The following HMCN1 variants were observed in gnomAD, a reference collection of about 807,000 sequenced individuals.
HMCN1 encodes hemicentin-1.
In HMCN1, 321 loss-of-function variants were observed where a neutral mutation model predicts 625.9. The ratio of observed to expected loss-of-function variants is 0.51; its 90% CI spans 0.47 to 0.56. The LOEUF is 0.56. Among genes scored for constraint, HMCN1 ranks in the 20% least tolerant of loss-of-function variants. The pLI is 0.00. For synonymous variants in HMCN1, 2,425 were observed against 2,417.6 expected, an observed-to-expected ratio of 1.00 and a Z score of -0.09; for missense variants, 6,588 against 6,887.3, an observed-to-expected ratio of 0.96 and a Z score of 1.54.
intron 1 of HMCN1, among the ~76,000 whole-genome samples, chr1:185,819,426 C>G (rs1429566554): frequency 6.6e-6 from 1 of 152,116 alleles, no homozygotes; most frequent in Non-Finnish European, 1.5e-5. Context: ...GAGAAACATA[C>G]TTTTTCCTAT....
At chr1:185,930,533 T>A (rs1337759381) in intron 10 of HMCN1, among the ~76,000 whole-genome samples, 1 of 152,192 alleles carries the variant, frequency 6.6e-6, no homozygotes, top group Non-Finnish European at 1.5e-5. Flanking sequence ...ATACTAATAT[T>A]CTCATGCCAT....
intron 58 of HMCN1, 32 bp from the exon 59 acceptor site, chr1:186,087,185 C>A: frequency 7.5e-7 from 1 of 1,326,474 alleles, no homozygotes; most frequent in Non-Finnish European, 1.1e-6. Context: ...ACCTGTATAC[C>A]ACTCTACAAT....
chr1:186,000,295 G>A, intron 26 of HMCN1, 56 bp downstream of exon 26: 1 of 1,291,296 alleles, frequency 7.7e-7, no homozygotes, highest in Admixed American at 1.8e-5. Flanking sequence ...GTTCTTAAAT[G>A]TTTAAATTAT....
At chr1:186,018,104 C>A (rs1654481250) in intron 33 of HMCN1, 79 bp from the exon 34 acceptor site, 3 of 1,248,204 alleles carry the variant, frequency 2.4e-6, no homozygotes, top group Non-Finnish European at 3.5e-6. Flanking sequence ...GACAAATATA[C>A]AATAGAAACT....
intron 70 of HMCN1, 115 bp from the exon 71 acceptor site, chr1:186,108,342 AAATT>A: frequency 6.7e-7 from 1 of 1,491,846 alleles, no homozygotes; most frequent in Non-Finnish European, 9.2e-7. Context: ...TCTAGGCTAT[AAATT>A]AAATGAGTAA....
chr1:186,033,408 C>A (rs576393168), intron 36 of HMCN1, among the ~76,000 whole-genome samples: 3 of 152,156 alleles, frequency 2.0e-5, no homozygotes, highest in Admixed American at 6.6e-5. Flanking sequence ...ATCCATGTAA[C>A]CAAAACCACC....
rs930907492 is a variant in HMCN1 at position 185,875,551 on chromosome 1, A to G, written c.621+9688A>G. ...TCACTCAATTAGAACTGTTCTCTTC[A>G]TATATTACAATGACTGTTGCCTCAG... On this transcript the variant is annotated intron_variant, in intron 4 of 106. Transcript: ENST00000271588. 6.6e-5 allele frequency among the ~76,000 whole-genome samples: 10 copies of G among 152,104 alleles called. No individual in the cohort carries two copies. The East Asian group carries it at 9.6e-4, about 15-fold the overall frequency.
Position 185,797,683 on chromosome 1 carries a change from T to TAGATTTCTTTTGTGTATTTC in HMCN1, c.269-48343_269-48342insAGATTTCTTTTGTGTATTTC, listed in dbSNP as rs1553241679. 2.2e-4 allele frequency among the ~76,000 whole-genome samples: 32 copies of TAGATTTCTTTTGTGTATTTC among 147,820 alleles called. 1 individual carries two copies. Among genetic ancestry groups the TAGATTTCTTTTGTGTATTTC allele is most frequent in the African/African-American group, 8.1e-4 (30 of 37,234 alleles). Reference sequence around the variant, plus strand: ...ATGCAATTGCTTTATAAGACTTGTTTTGGCCGGGCGCGGTGGCTCACGCCT... The same window carrying TAGATTTCTTTTGTGTATTTC: ...ATGCAATTGCTTTATAAGACTTGTTTAGATTTCTTTTGTGTATTTCTGGCCGGGCGCGGTGGCTCACGCCT... On this transcript the variant is annotated intron_variant, in intron 1 of 106. Transcript: ENST00000271588.
chr1:186,127,366 G>A (rs189558027), intron 82 of HMCN1, among the ~76,000 whole-genome samples: 27 of 152,214 alleles, frequency 1.8e-4, no homozygotes, highest in Admixed American at 1.8e-3. Flanking sequence ...CACTGTATGA[G>A]ATCACCAAAA....
At chr1:185,842,318 T>A (rs1459736934) in intron 1 of HMCN1, among the ~76,000 whole-genome samples, 1 of 152,164 alleles carries the variant, frequency 6.6e-6, no homozygotes, top group East Asian at 1.9e-4. Flanking sequence ...TTATAGTATT[T>A]ACAAGGCAAG....
At chr1:185,918,117 T>A (rs1666815171) in intron 6 of HMCN1, among the ~76,000 whole-genome samples, 2 of 152,102 alleles carry the variant, frequency 1.3e-5, no homozygotes, top group Admixed American at 6.6e-5. Flanking sequence ...CAATCTCAAG[T>A]CAAAGTCCCA....
At chr1:186,184,530 C>T (rs967708173) in intron 105 of HMCN1, among the ~76,000 whole-genome samples, 2 of 152,090 alleles carry the variant, frequency 1.3e-5, no homozygotes, top group Non-Finnish European at 2.9e-5. Flanking sequence ...CTAAAGGACC[C>T]TTATGCTAAT....
intron 36 of HMCN1, among the ~76,000 whole-genome samples, chr1:186,033,064 G>GCACA (rs61063202): frequency 0.028 from 3,969 of 140,362 alleles, 66 homozygotes; most frequent in Middle Eastern, 0.044. Context: ...ATACACACAC[G>GCACA]CACACACACA....
intron 11 of HMCN1, among the ~76,000 whole-genome samples, chr1:185,947,445 GAAATA>G (rs1668404233): frequency 1.3e-5 from 2 of 152,204 alleles, no homozygotes; most frequent in Non-Finnish European, 1.5e-5. Flanking sequence ...AAGAAAGGCA[GAAATA>G]ACAAGAGAAG....
At chr1:185,741,692 A>T (rs1654005354) in intron 1 of HMCN1, among the ~76,000 whole-genome samples, 1 of 151,874 alleles carries the variant, frequency 6.6e-6, no homozygotes, top group African/African-American at 2.4e-5. Flanking sequence ...AAACTGTTTC[A>T]AGGAAGAACT....
intron 1 of HMCN1, among the ~76,000 whole-genome samples, chr1:185,740,130 G>A (rs554999222): frequency 7.9e-5 from 12 of 152,302 alleles, no homozygotes; most frequent in African/African-American, 1.7e-4. Context: ...GAAAGGGCTC[G>A]TAGTCCATTA....
At chr1:185,746,733 G>A (rs1401626481) in intron 1 of HMCN1, among the ~76,000 whole-genome samples, 2 of 151,576 alleles carry the variant, frequency 1.3e-5, no homozygotes, top group Non-Finnish European at 2.9e-5. Context: ...AGCCTCCTGA[G>A]TAGCTGGGAT....
intron 6 of HMCN1, among the ~76,000 whole-genome samples, chr1:185,919,045 T>C (rs1276080885): frequency 2.0e-5 from 3 of 150,246 alleles, no homozygotes; most frequent in African/African-American, 5.0e-5. Context: ...GACATTAAGA[T>C]AGTAATTTTG....
chr1:185,999,147 G>A (rs1330307757), intron 25 of HMCN1, among the ~76,000 whole-genome samples: 5 of 151,470 alleles, frequency 3.3e-5, no homozygotes, highest in African/African-American at 1.2e-4. Flanking sequence ...TATATCCTGG[G>A]TTATATGTTC....
Sources: allele counts gnomAD v4.1 joint callset (sites outside exome capture counted in the v4.1 genomes callset), GRCh38; gene constraint gnomAD v4.1.1; transcripts MANE v1.5; gene names NCBI Gene and HGNC (gene_info 2026-07-23, HGNC 2026-07-21).